The following CHD9NB variants were observed in gnomAD, a reference collection of about 807,000 sequenced individuals.
The protein encoded by CHD9NB is CHD9 neighbor.
chr16:53,036,764 C>T, the CHD9NB span, among the ~76,000 whole-genome samples: 1 of 152,232 alleles, frequency 6.6e-6, no homozygotes, highest in Non-Finnish European at 1.5e-5. Context: ...TAAAGCTAAT[C>T]ACTAATCAAT....
At chr16:53,050,641 C>T in the CHD9NB span, among the ~76,000 whole-genome samples, 1 of 152,202 alleles carries the variant, frequency 6.6e-6, no homozygotes, top group Non-Finnish European at 1.5e-5. Flanking sequence ...AGAATGTGAC[C>T]AGTCTTATTC....
chr16:53,038,406 G>A, the CHD9NB span, among the ~76,000 whole-genome samples: 1 of 152,186 alleles, frequency 6.6e-6, no homozygotes, highest in Admixed American at 6.5e-5. Context: ...GGAATGCAGT[G>A]ATGTGACCTA....
At chr16:53,038,366 G>A in the CHD9NB span, among the ~76,000 whole-genome samples, 24 of 151,948 alleles carry the variant, frequency 1.6e-4, no homozygotes, top group Admixed American at 3.9e-4. Context: ...TTATTTTTTT[G>A]AGACAGAGCC....
the CHD9NB span, among the ~76,000 whole-genome samples, chr16:53,052,229 TAA>T: frequency 6.9e-6 from 1 of 145,226 alleles, no homozygotes; most frequent in African/African-American, 2.6e-5. Flanking sequence ...CCCCATCTCT[TAA>T]AAAAAAAAGA....
the CHD9NB span, among the ~76,000 whole-genome samples, chr16:53,051,039 C>T: frequency 6.6e-6 from 1 of 152,148 alleles, no homozygotes; most frequent in African/African-American, 2.4e-5. Flanking sequence ...AGGCGCCCAC[C>T]ACCATGCCCA....
chr16:53,045,951 G>A, the CHD9NB span, among the ~76,000 whole-genome samples: 1 of 152,022 alleles, frequency 6.6e-6, no homozygotes, highest in Non-Finnish European at 1.5e-5. Context: ...CCTCCTCCCT[G>A]GGTGTGGGAA....
the CHD9NB span, among the ~76,000 whole-genome samples, chr16:53,052,465 T>C: frequency 6.6e-6 from 1 of 152,200 alleles, no homozygotes; most frequent in Non-Finnish European, 1.5e-5. Context: ...CTACCAAAAC[T>C]CCTGTTTTCC....
At chr16:53,045,341 A>G in the CHD9NB span, among the ~76,000 whole-genome samples, 2 of 152,168 alleles carry the variant, frequency 1.3e-5, no homozygotes, top group African/African-American at 4.8e-5. Flanking sequence ...TCCACTTTGT[A>G]GGCTGTTATT....
the CHD9NB span, among the ~76,000 whole-genome samples, chr16:53,050,118 C>T: frequency 6.6e-6 from 1 of 151,950 alleles, no homozygotes; most frequent in Non-Finnish European, 1.5e-5. Flanking sequence ...GCAGGAGAAT[C>T]GCTTGAACTG....
chr16:53,041,271 C>T, the CHD9NB span, among the ~76,000 whole-genome samples: 1 of 152,230 alleles, frequency 6.6e-6, no homozygotes, highest in East Asian at 1.9e-4. Flanking sequence ...AGACATAATC[C>T]TAACCACTTT....
At chr16:53,042,608 A>G in the CHD9NB span, 1 of 147,522 alleles carries the variant, frequency 6.8e-6, no homozygotes, top group African/African-American at 2.6e-5. Context: ...CCACCACCAG[A>G]GTAAAAATAA....
the CHD9NB span, among the ~76,000 whole-genome samples, chr16:53,046,680 G>T: frequency 1.3e-5 from 2 of 152,090 alleles, no homozygotes; most frequent in African/African-American, 4.8e-5. Flanking sequence ...GCTAGACCCT[G>T]CCTTAATTTA....
chr16:53,048,990 A>T, the CHD9NB span, among the ~76,000 whole-genome samples: 1 of 152,164 alleles, frequency 6.6e-6, no homozygotes, highest in African/African-American at 2.4e-5. Context: ...AGCACCACCC[A>T]CATGGATCGG....
the CHD9NB span, among the ~76,000 whole-genome samples, chr16:53,049,476 G>A: frequency 6.6e-6 from 1 of 152,254 alleles, no homozygotes; most frequent in Non-Finnish European, 1.5e-5. Context: ...GCACCTGGAG[G>A]ATCTTACTCC....
At chr16:53,044,381 A>G in the CHD9NB span, 1 of 385,506 alleles carries the variant, frequency 2.6e-6, no homozygotes, top group South Asian at 1.4e-4. Flanking sequence ...AACCTGGCCA[A>G]TTCCAGGCAC....
At chr16:53,036,124 G>T in the CHD9NB span, among the ~76,000 whole-genome samples, 1 of 152,018 alleles carries the variant, frequency 6.6e-6, no homozygotes, top group Non-Finnish European at 1.5e-5. Flanking sequence ...TATTCAATGC[G>T]CTGCTGTGGT....
the CHD9NB span, among the ~76,000 whole-genome samples, chr16:53,051,138 C>A: frequency 6.6e-6 from 1 of 152,054 alleles, no homozygotes. Context: ...CCGCCTGCCT[C>A]GGCCTCCCAA....
chr16:53,051,772 T>TATATATATATATATAG, the CHD9NB span, among the ~76,000 whole-genome samples: 9 of 19,736 alleles, frequency 4.6e-4, no homozygotes, highest in African/African-American at 8.8e-4. Flanking sequence ...AGTATAAATA[T>TATATATATATATATAG]ATATATATAT....
At chr16:53,037,031 G>A in the CHD9NB span, among the ~76,000 whole-genome samples, 1 of 152,178 alleles carries the variant, frequency 6.6e-6, no homozygotes, top group East Asian at 1.9e-4. Flanking sequence ...TGCCTCCTGT[G>A]TTCAAGGGAT....
Sources: allele counts gnomAD v4.1 joint callset (sites outside exome capture counted in the v4.1 genomes callset), GRCh38; gene constraint gnomAD v4.1.1; transcripts MANE v1.5; gene names NCBI Gene and HGNC (gene_info 2026-07-23, HGNC 2026-07-21).